WRN: variants seen among roughly 807,000 people sequenced by gnomAD.
WRN encodes bifunctional 3'-5' exonuclease/ATP-dependent helicase WRN.
In WRN, 149 loss-of-function variants were observed where a neutral mutation model predicts 180.7. The observed-to-expected ratio is 0.82, with a 90% confidence interval of 0.72 to 0.94. The LOEUF (loss-of-function observed/expected upper bound fraction) is 0.94. Ranked by LOEUF, WRN falls within the 40% of genes least tolerant of loss-of-function variation. The probability of loss-of-function intolerance (pLI) is 0.00; values close to 1 mark genes in which losing one functional copy is unlikely to be tolerated. For synonymous variants in WRN, 548 were observed against 568.9 expected (o/e 0.96, Z 0.52); for missense variants, 1,661 against 1,700.1 (o/e 0.98, Z 0.40).
chr8:31,036,306 G>T, intron 1 of WRN, among the ~76,000 whole-genome samples: 1 of 152,156 alleles, frequency 6.6e-6, no homozygotes, highest in Non-Finnish European at 1.5e-5. Context: ...GGCTATTGTT[G>T]AATAGTGCTG....
chr8:31,095,274 T>TA (rs11574255), intron 16 of WRN, among the ~76,000 whole-genome samples: 21,994 of 152,164 alleles, frequency 0.14, 2,092 homozygotes, highest in East Asian at 0.29. Flanking sequence ...GCCTATTTTT[T>TA]CTTAGTGAGT....
In WRN at chr8:31,087,883, AAATG is replaced by A; in HGVS notation, c.1542_1545del (p.Asn514LysfsTer42). 1 of 1,613,674 alleles carries A rather than the reference AAATG, an allele frequency of 6.2e-7. No individual in the cohort carries two copies. ...CTAAAGAAGAAGAAGAAGATGATGA[AAATG>A]AAGCTAATGAAGGGGAAGAAGATGA... On this transcript the variant is annotated frameshift_variant, in exon 12 of 35. Coordinates refer to ENST00000298139, the MANE Select transcript of WRN (RefSeq NM_000553.6). LOFTEE classifies it high-confidence loss of function.
chr8:31,159,191 T>G (rs1309549165), intron 33 of WRN, among the ~76,000 whole-genome samples: 1 of 152,038 alleles, frequency 6.6e-6, no homozygotes, highest in East Asian at 1.9e-4. Context: ...TCTCAGCTAC[T>G]TGGGAGTCTG....
chr8:31,102,044 C>T (rs1313585059), intron 18 of WRN, among the ~76,000 whole-genome samples: 1 of 151,978 alleles, frequency 6.6e-6, no homozygotes, highest in African/African-American at 2.4e-5. Flanking sequence ...GACATTTGTA[C>T]AGTATCTAGA....
At chr8:31,148,044 G>A (rs1802937404) in intron 30 of WRN, among the ~76,000 whole-genome samples, 1 of 151,826 alleles carries the variant, frequency 6.6e-6, no homozygotes, top group Non-Finnish European at 1.5e-5. Flanking sequence ...ATGCCACCAT[G>A]CTCAGCTAAT....
At chr8:31,073,978 G>A (rs569336638) in intron 7 of WRN, among the ~76,000 whole-genome samples, 2 of 151,574 alleles carry the variant, frequency 1.3e-5, no homozygotes, top group African/African-American at 4.8e-5. Context: ...GTGCAGTGGC[G>A]CGATCTCTGC....
rs2130415986 is a variant in WRN at position 31,141,571 on chromosome 8, T to G, written c.3109T>G (p.Phe1037Val). The change falls in exon 25 of 35, where the codon TTT (phenylalanine) becomes GTT (valine). Residue 1037 changes from phenylalanine (F) to valine (V), a missense_variant. Phe to Val is a conservative substitution (Grantham distance 50, BLOSUM62 -1). Coordinates refer to ENST00000298139, the MANE Select transcript of WRN (RefSeq NM_000553.6). ...GGTAGAAGTTTCTCGGTATAACAAA[T>G]TTATGAAGATTTGCGCCCTTACGAA... The part of the protein sequence containing the change: ...FLVEVSRYNK[F>V]MKICALTKKG... 1 of 1,614,168 alleles carries G rather than the reference T, an allele frequency of 6.2e-7. No individual in the cohort carries two copies. Among genetic ancestry groups the G allele is most frequent in the African/African-American group, 1.3e-5 (1 of 75,044 alleles).
chr8:31,138,897 C>A (rs561511800), intron 24 of WRN, among the ~76,000 whole-genome samples: 1 of 152,164 alleles, frequency 6.6e-6, no homozygotes, highest in South Asian at 2.1e-4. Flanking sequence ...CTAATTTCAT[C>A]CTAGCTTCCT....
At position 31,075,129 on chromosome 8, in the gene WRN, G is replaced by A. The variant is rs1019519095; in HGVS notation, c.725-1044G>A. Among the ~76,000 whole-genome samples, 8 of 152,188 alleles carry A rather than the reference G, an allele frequency of 5.3e-5. No individual in the cohort carries two copies. In the South Asian group the frequency reaches 8.3e-4, roughly 16 times the overall value. On this transcript the variant is annotated intron_variant, in intron 7 of 34. Transcript: ENST00000298139. Reference sequence around the variant, plus strand: ...TGGCAGTGATCAAGGAATAGTAGTGGAGTGAAAGTAGTTAATGAATCAGGC... The same window carrying A: ...TGGCAGTGATCAAGGAATAGTAGTGAAGTGAAAGTAGTTAATGAATCAGGC...
intron 1 of WRN, among the ~76,000 whole-genome samples, chr8:31,056,597 G>C (rs573522788): frequency 2.0e-5 from 3 of 152,176 alleles, no homozygotes; most frequent in Non-Finnish European, 2.9e-5. Context: ...GTCCCAAACC[G>C]TGAGAAACAA....
chr8:31,118,511 A>G (rs1563362141), intron 20 of WRN, among the ~76,000 whole-genome samples: 1 of 151,956 alleles, frequency 6.6e-6, no homozygotes, highest in Non-Finnish European at 1.5e-5. Flanking sequence ...TGTTCTTGCA[A>G]TTGATTACTT....
intron 16 of WRN, among the ~76,000 whole-genome samples, 195 bp downstream of exon 16, chr8:31,092,093 A>T (rs983057322): frequency 2.6e-5 from 4 of 152,108 alleles, no homozygotes; most frequent in African/African-American, 9.7e-5. Flanking sequence ...TGAAAAAAAA[A>T]GTCCATGATT....
chr8:31,046,127 G>T lies in WRN; in HGVS notation c.-77+12154G>T, dbSNP rs144092411. ...TTTGGACTTGGATATAATTGTATTT[G>T]ATTCTGTCTTATATATAAAAATGAG... On this transcript the variant is annotated intron_variant, in intron 1 of 34. Transcript: ENST00000298139. Among the ~76,000 whole-genome samples, 31 of 152,146 alleles carry T rather than the reference G, an allele frequency of 2.0e-4. 1 individual carries two copies. In the East Asian group the frequency reaches 5.4e-3, roughly 26 times the overall value.
intron 3 of WRN, among the ~76,000 whole-genome samples, chr8:31,061,907 A>G (rs1176852065): frequency 1.3e-5 from 2 of 152,134 alleles, no homozygotes; most frequent in African/African-American, 2.4e-5. Context: ...GTATTCTGCA[A>G]AGACCAAAGG....
intron 23 of WRN, among the ~76,000 whole-genome samples, chr8:31,129,920 G>A (rs1802079992): frequency 1.4e-5 from 2 of 147,172 alleles, no homozygotes; most frequent in African/African-American, 5.0e-5. Flanking sequence ...CAGGAGAATC[G>A]CTTGAACCTG....
chr8:31,057,631 T>C (rs937193861), intron 1 of WRN, among the ~76,000 whole-genome samples: 1 of 152,144 alleles, frequency 6.6e-6, no homozygotes, highest in African/African-American at 2.4e-5. Flanking sequence ...GAACTAAAGT[T>C]GAAGTTTGAG....
At chr8:31,142,282 A>G (rs1802670722) in intron 26 of WRN, among the ~76,000 whole-genome samples, 1 of 152,134 alleles carries the variant, frequency 6.6e-6, no homozygotes, top group Non-Finnish European at 1.5e-5. Context: ...GTAGCTGACC[A>G]TGGTATTTAG....
chr8:31,107,632 CT>C (rs1435315037), intron 18 of WRN, among the ~76,000 whole-genome samples: 1 of 152,154 alleles, frequency 6.6e-6, no homozygotes, highest in Non-Finnish European at 1.5e-5. Flanking sequence ...GTTCTTGGTG[CT>C]TTTCTTCTCG....
At chr8:31,086,450 T>G (rs777734250) in intron 11 of WRN, among the ~76,000 whole-genome samples, 1 of 152,066 alleles carries the variant, frequency 6.6e-6, no homozygotes. Context: ...GGCATGTGCC[T>G]TTAGTCCCAG....
Sources: gnomAD v4.1 joint callset for allele counts (sites outside exome capture counted in the v4.1 genomes callset) on GRCh38, gnomAD v4.1.1 for gene constraint, MANE v1.5 for transcripts, NCBI Gene and HGNC (gene_info 2026-07-23, HGNC 2026-07-21) for gene names.